Variants in KCNB2 observed in about 807,000 individuals in gnomAD.
KCNB2 encodes the protein delayed rectifier potassium channel protein.
In KCNB2, 15 loss-of-function variants were observed where a neutral mutation model predicts 61.5. That is an observed-to-expected ratio of 0.24 (90% CI 0.16 to 0.38). The LOEUF (loss-of-function observed/expected upper bound fraction) is 0.38, where lower values mean the gene tolerates loss of function less well. KCNB2 is among the 10% of genes least tolerant of loss of function. KCNB2 has a pLI of 1.00. For missense variants in KCNB2, 828 were observed against 1,125.2 expected, an observed-to-expected ratio of 0.74 and a Z score of 3.78; for synonymous variants, 457 against 446.0, an observed-to-expected ratio of 1.02 and a Z score of -0.31.
chr8:72,710,418 T>A (rs1807306552), intron 2 of KCNB2, among the ~76,000 whole-genome samples: 1 of 152,098 alleles, frequency 6.6e-6, no homozygotes, highest in Non-Finnish European at 1.5e-5. Context: ...AAGACACCAA[T>A]TAGAGCCAAA....
chr8:72,920,469 C>T (rs56799982), intron 2 of KCNB2, among the ~76,000 whole-genome samples: 1 of 71,276 alleles, frequency 1.4e-5, no homozygotes, highest in East Asian at 2.6e-4. Flanking sequence ...ATCTATCTAT[C>T]TATCTATATA....
intron 2 of KCNB2, among the ~76,000 whole-genome samples, chr8:72,758,987 T>C (rs965165663): frequency 6.6e-6 from 1 of 152,220 alleles, no homozygotes; most frequent in East Asian, 1.9e-4. Flanking sequence ...AGAATGAGGA[T>C]AAAATCATGC....
rs372820722 is a variant in KCNB2, at chr8:72,797,422, T to A, written c.580-138513T>A. 1.8e-4 allele frequency among the ~76,000 whole-genome samples: 27 copies of A among 152,300 alleles called. No individual in the cohort carries two copies. The East Asian group carries it at 3.7e-3, about 21-fold the overall frequency. On this transcript the variant is annotated intron_variant, in intron 2 of 2. Coordinates refer to ENST00000523207, the MANE Select transcript of KCNB2 (RefSeq NM_004770.3). ...CTGTTTGTGTAATAAAAAATTGACC[T>A]CATTTAAATTAACAGCGGAACACCT...
intron 2 of KCNB2, among the ~76,000 whole-genome samples, chr8:72,614,557 C>G (rs979186191): frequency 2.6e-5 from 4 of 152,168 alleles, no homozygotes; most frequent in Non-Finnish European, 5.9e-5. Flanking sequence ...GCATAGATGC[C>G]AGTCTCTGAC....
At chr8:72,746,150 C>G (rs1808060848) in intron 2 of KCNB2, among the ~76,000 whole-genome samples, 1 of 152,130 alleles carries the variant, frequency 6.6e-6, no homozygotes, top group Admixed American at 6.5e-5. Context: ...TAAAGTACTA[C>G]AGATTTTTGT....
chr8:72,669,077 G>A (rs2128988015), intron 2 of KCNB2, among the ~76,000 whole-genome samples: 1 of 152,240 alleles, frequency 6.6e-6, no homozygotes. Context: ...GACTGACCTG[G>A]CTGGTCAGGA....
Position 72,884,131 on chromosome 8 carries a change from A to T in KCNB2, c.580-51804A>T, listed in dbSNP as rs76014875. Among the ~76,000 whole-genome samples, 1,340 of 152,278 alleles carry T rather than the reference A, an allele frequency of 8.8e-3. 71 individuals are homozygous for T. The East Asian group carries it at 0.15, about 17-fold the overall frequency. On this transcript the variant is annotated intron_variant, in intron 2 of 2. Coordinates refer to ENST00000523207, the MANE Select transcript of KCNB2 (RefSeq NM_004770.3). The stretch of plus-strand genomic sequence containing the variant: ...TGGGACAATATGAGGATAAAATGAC[A>T]TCTTGTCATTGTTTAAATTTTTGTT...
chr8:72,699,663 C>A (rs1019344076), intron 2 of KCNB2, among the ~76,000 whole-genome samples: 4 of 152,110 alleles, frequency 2.6e-5, no homozygotes, highest in African/African-American at 9.7e-5. Flanking sequence ...ATCATGAAGT[C>A]TTTGCCATGC....
intron 1 of KCNB2, among the ~76,000 whole-genome samples, chr8:72,540,244 A>C (rs893510606): frequency 1.3e-5 from 2 of 152,278 alleles, no homozygotes; most frequent in East Asian, 1.9e-4. Context: ...AGTTCCTTTA[A>C]AACTTGCTAT....
At chr8:72,685,944 G>T (rs952481986) in intron 2 of KCNB2, among the ~76,000 whole-genome samples, 1 of 152,106 alleles carries the variant, frequency 6.6e-6, no homozygotes, top group African/African-American at 2.4e-5. Flanking sequence ...AGCCGAGATC[G>T]CGCCATTGCA....
chr8:72,558,891 G>A (rs903581934), intron 1 of KCNB2, among the ~76,000 whole-genome samples: 3 of 152,106 alleles, frequency 2.0e-5, no homozygotes, highest in African/African-American at 7.2e-5. Flanking sequence ...ACAATAATAT[G>A]TGATCCTTGA....
At chr8:72,838,719 A>C (rs1292425413) in intron 2 of KCNB2, among the ~76,000 whole-genome samples, 1 of 152,188 alleles carries the variant, frequency 6.6e-6, no homozygotes, top group Non-Finnish European at 1.5e-5. Flanking sequence ...ATTGTAGTAT[A>C]TACAGGTCTA....
In KCNB2 at chr8:72,938,229, TG is replaced by T; in HGVS notation, c.*140del. On this transcript the variant is annotated 3_prime_UTR_variant, in exon 3 of 3. Transcript: ENST00000523207. ...AAGTGCATAAAATGTTATTTTTGCA[TG>T]GCATGAACAGTTTAGCTTAAGTACT... The T allele has an allele frequency of 3.0e-6, 2 of 664,168 alleles. No individual in the cohort carries two copies. Among genetic ancestry groups the T allele is most frequent in the Non-Finnish European group, 2.6e-6 (1 of 383,054 alleles). The allele number at this position is 664,168 out of a possible 1,614,324, so 41.1% of individuals were successfully genotyped here.
At chr8:72,825,180 G>A (rs1026774921) in intron 2 of KCNB2, among the ~76,000 whole-genome samples, 2 of 152,152 alleles carry the variant, frequency 1.3e-5, no homozygotes, top group Non-Finnish European at 2.9e-5. Context: ...ATTTAGCTTA[G>A]CATAATATCT....
At chr8:72,898,689 T>A (rs13261389) in intron 2 of KCNB2, among the ~76,000 whole-genome samples, 56,347 of 151,938 alleles carry the variant, frequency 0.37, 11,866 homozygotes, top group African/African-American at 0.57. Flanking sequence ...TCTTAGATAC[T>A]GGGGCTACAT....
At chr8:72,573,798 AT>A (rs2128979593) in intron 2 of KCNB2, among the ~76,000 whole-genome samples, 1 of 152,204 alleles carries the variant, frequency 6.6e-6, no homozygotes, top group South Asian at 2.1e-4. Flanking sequence ...TCTCCTCTAC[AT>A]TGAGGCACCT....
rs1806905320 is a variant in KCNB2, at chr8:72,936,440, C to G, written c.1085C>G (p.Ala362Gly). Residue 362 changes from alanine to glycine, a missense_variant, in exon 3 of 3, where the codon GCT becomes GGT. Transcript: ENST00000523207. This position sits in a 1 kb window ranked among gnomAD's most constrained non-coding sequence, Gnocchi z 5.6. ...TTTTTTGCTGAGAAGGATGAAGATG[C>G]TACCAAGTTCACCAGTATCCCTGCA... ...LVFFAEKDEDATKFTSIPASF... is the reference protein window; with the variant it reads ...LVFFAEKDEDGTKFTSIPASF... 2 of 1,614,164 alleles carry G rather than the reference C, an allele frequency of 1.2e-6. No homozygotes were observed. Among genetic ancestry groups the G allele is most frequent in the Non-Finnish European group, 1.7e-6 (2 of 1,180,010 alleles).
At chr8:72,692,785 T>A (rs950441241) in intron 2 of KCNB2, among the ~76,000 whole-genome samples, 3 of 148,900 alleles carry the variant, frequency 2.0e-5, no homozygotes, top group African/African-American at 4.9e-5. Context: ...TATTTAATTA[T>A]TTATTTATTT....
chr8:72,616,248 A>G (rs1308072318), intron 2 of KCNB2, among the ~76,000 whole-genome samples: 2 of 152,216 alleles, frequency 1.3e-5, no homozygotes, highest in African/African-American at 4.8e-5. Flanking sequence ...TAGAATTGGT[A>G]TAAAATTAGA....
Sources: gnomAD v4.1 joint callset for allele counts (sites outside exome capture counted in the v4.1 genomes callset) on GRCh38, gnomAD v4.1.1 for gene constraint, Gnocchi (gnomAD v3.1) non-coding constraint, MANE v1.5 for transcripts, NCBI Gene and HGNC (gene_info 2026-07-23, HGNC 2026-07-21) for gene names.